Variants in KIAA1671 observed in about 807,000 individuals in gnomAD.
The protein encoded by KIAA1671 is uncharacterized protein KIAA1671.
A neutral mutation model predicts 131.2 loss-of-function variants in KIAA1671; 52 were observed. The ratio of observed to expected loss-of-function variants is 0.40; its 90% CI spans 0.32 to 0.50. The LOEUF (loss-of-function observed/expected upper bound fraction) is 0.50, where lower values mean the gene tolerates loss of function less well. Among genes scored for constraint, KIAA1671 ranks in the 20% least tolerant of loss-of-function variants. The pLI is 0.73. For missense variants in KIAA1671, 2,360 were observed against 2,364.2 expected (o/e 1.00, Z 0.04); for synonymous variants, 1,003 against 961.6 (o/e 1.04, Z -0.80).
rs895563243 is a variant in KIAA1671 at position 25,159,772 on chromosome 22, C to A, written c.4531-11048C>A. Among the ~76,000 whole-genome samples the A allele has an allele frequency of 1.2e-4, 19 of 152,096 alleles. 1 individual carries two copies. The highest frequency in any genetic ancestry group is 1.5e-5 in the Non-Finnish European group (1 of 68,030). Reference sequence around the variant, plus strand: ...GCTCTGGTCTGCTCGGTCATAGAGCCCTAGCTCAGAACTGCTAACCTGTCC... The same window carrying A: ...GCTCTGGTCTGCTCGGTCATAGAGCACTAGCTCAGAACTGCTAACCTGTCC... On this transcript the variant is annotated intron_variant, in intron 6 of 12. Transcript: ENST00000358431.
At chr22:25,026,337 G>A (rs2052778936) in intron 2 of KIAA1671, among the ~76,000 whole-genome samples, 1 of 152,134 alleles carries the variant, frequency 6.6e-6, no homozygotes, top group Non-Finnish European at 1.5e-5. Context: ...CAGTTTCACA[G>A]GGAAGAAAAC....
At chr22:24,953,475 C>T (rs1921523163) in intron 1 of KIAA1671, among the ~76,000 whole-genome samples, 1 of 152,050 alleles carries the variant, frequency 6.6e-6, no homozygotes, top group Admixed American at 6.5e-5. Context: ...CGGACACGTC[C>T]TCTCGGCCTG....
intron 1 of KIAA1671, among the ~76,000 whole-genome samples, chr22:24,979,241 C>G (rs2123826393): frequency 6.8e-6 from 1 of 146,734 alleles, no homozygotes; most frequent in East Asian, 2.0e-4. Flanking sequence ...GTCTTGAACT[C>G]CTGACCTCAG....
intron 6 of KIAA1671, among the ~76,000 whole-genome samples, chr22:25,141,273 C>G (rs1011924243): frequency 6.6e-6 from 1 of 151,984 alleles, no homozygotes; most frequent in African/African-American, 2.4e-5. Context: ...CACTCTGTCG[C>G]CCAGGCTGGA....
At chr22:25,156,012 C>CTTTTTTTTTTTTTTTT (rs57822676) in intron 6 of KIAA1671, among the ~76,000 whole-genome samples, 1 of 35,320 alleles carries the variant, frequency 2.8e-5, no homozygotes, top group Admixed American at 3.9e-4. Flanking sequence ...TGTGTATGTG[C>CTTTTTTTTTTTTTTTT]TTTTTTTTTT....
At chr22:25,044,124 C>T (rs1486516367) in intron 5 of KIAA1671, among the ~76,000 whole-genome samples, 3 of 152,192 alleles carry the variant, frequency 2.0e-5, no homozygotes, top group Admixed American at 2.0e-4. Flanking sequence ...CCACCATGTG[C>T]AGGATCACGC....
chr22:25,192,416 C>G lies in KIAA1671; in HGVS notation c.*15C>G, dbSNP rs887962818. ...TCCCTTCCTCTCCAGGCAGGGAACA[C>G]TGCCACATCTACGTAACAGAAGCCT... On this transcript the variant is annotated 3_prime_UTR_variant, in exon 13 of 13. Transcript: ENST00000358431. The G allele has an allele frequency of 3.3e-5, 5 of 152,250 alleles. No individual in the cohort carries two copies. The highest frequency in any genetic ancestry group is 5.9e-5 in the Non-Finnish European group (4 of 68,054). 9.4% of individuals were successfully genotyped at this position (152,250 alleles called of 1,614,324 possible). A position where few individuals can be genotyped will look rare whatever the true frequency, so the allele number is the denominator to read the frequency against.
At chr22:24,969,702 C>T (rs879484352) in intron 1 of KIAA1671, among the ~76,000 whole-genome samples, 2 of 152,196 alleles carry the variant, frequency 1.3e-5, no homozygotes, top group Non-Finnish European at 2.9e-5. Context: ...GAGATTTCAG[C>T]TCCGTGTCTT....
At chr22:24,972,371 C>T (rs944036051) in intron 1 of KIAA1671, among the ~76,000 whole-genome samples, 3 of 152,146 alleles carry the variant, frequency 2.0e-5, no homozygotes, top group Admixed American at 6.5e-5. Flanking sequence ...TTCTGTCTAC[C>T]GTATAGCTGC....
In KIAA1671 at chr22:25,163,733, C is replaced by T. The variant is rs533361525; in HGVS notation, c.4531-7087C>T. On this transcript the variant is annotated intron_variant, in intron 6 of 12. Transcript: ENST00000358431. ...GATTACAGGCATGAGCCACCACGCC[C>T]GGCCATTCCTTGGCTGTATTTATCC... is the stretch of plus-strand genomic sequence containing the variant. 6.5e-4 allele frequency among the ~76,000 whole-genome samples: 99 copies of T among 152,024 alleles called. 1 individual carries two copies. The South Asian group carries it at 0.014, about 22-fold the overall frequency.
chr22:24,977,733 G>A (rs1483166908), intron 1 of KIAA1671, among the ~76,000 whole-genome samples: 1 of 152,248 alleles, frequency 6.6e-6, no homozygotes, highest in Non-Finnish European at 1.5e-5. Context: ...CCCTGCAAGT[G>A]GAGACAGAGG....
At chr22:25,094,100 G>A (rs1464291299) in intron 6 of KIAA1671, among the ~76,000 whole-genome samples, 1 of 152,164 alleles carries the variant, frequency 6.6e-6, no homozygotes, top group African/African-American at 2.4e-5. Flanking sequence ...TGTTTTCGAA[G>A]AAAGCGAACC....
At chr22:24,993,087 T>C (rs766420919) in intron 1 of KIAA1671, among the ~76,000 whole-genome samples, 2 of 151,992 alleles carry the variant, frequency 1.3e-5, no homozygotes, top group Non-Finnish European at 2.9e-5. Flanking sequence ...TGCCTTTCCC[T>C]CTAATCTGCC....
intron 6 of KIAA1671, among the ~76,000 whole-genome samples, chr22:25,136,110 G>A (rs1601346346): frequency 6.6e-6 from 1 of 152,210 alleles, no homozygotes; most frequent in South Asian, 2.1e-4. Context: ...GCTAACTTGA[G>A]CTCTGAGTAG....
At chr22:24,953,213 A>C (rs571998213) in intron 1 of KIAA1671, among the ~76,000 whole-genome samples, 2 of 152,164 alleles carry the variant, frequency 1.3e-5, no homozygotes, top group Non-Finnish European at 2.9e-5. Context: ...CTCCCATGCC[A>C]GCCTGAGCCT....
intron 6 of KIAA1671, among the ~76,000 whole-genome samples, chr22:25,072,731 C>T (rs1299574456): frequency 1.3e-5 from 2 of 152,200 alleles, no homozygotes; most frequent in Non-Finnish European, 2.9e-5. Context: ...CGCTGCCTTC[C>T]TGATTTGCTT....
chr22:25,041,147 A>G lies in KIAA1671; in HGVS notation c.4017A>G (p.Ala1339=), dbSNP rs1333344890. 5.8e-6 allele frequency: 9 copies of G among 1,551,142 alleles called. No individual in the cohort carries two copies. Among genetic ancestry groups the G allele is most frequent in the Non-Finnish European group, 7.8e-6 (9 of 1,146,742 alleles). The change falls in exon 5 of 13, where the codon GCA becomes GCG. Residue 1339 remains alanine (A), a synonymous_variant. Coordinates refer to ENST00000358431, the MANE Select transcript of KIAA1671 (RefSeq NM_001145206.2). ...RKAFASKHHV[A]KCQNYLAESK... ...CCTTTGCCAGTAAACATCATGTTGCAAAGTGTCAGAATTACCTGGCTGAGT... is the reference window on the plus strand; with the variant it reads ...CCTTTGCCAGTAAACATCATGTTGCGAAGTGTCAGAATTACCTGGCTGAGT...
chr22:25,148,920 A>G (rs1372447244), intron 6 of KIAA1671, among the ~76,000 whole-genome samples: 1 of 152,198 alleles, frequency 6.6e-6, no homozygotes, highest in Non-Finnish European at 1.5e-5. Context: ...AAATTTCACC[A>G]GCTCCTCTGA....
chr22:25,082,849 A>C (rs1272624210), intron 6 of KIAA1671, among the ~76,000 whole-genome samples: 2 of 152,210 alleles, frequency 1.3e-5, no homozygotes, highest in South Asian at 2.1e-4. Context: ...GAACAAAAAA[A>C]CAAAAAACAC....
Sources: allele counts gnomAD v4.1 joint callset (sites outside exome capture counted in the v4.1 genomes callset), GRCh38; gene constraint gnomAD v4.1.1; transcripts MANE v1.5; gene names NCBI Gene and HGNC (gene_info 2026-07-23, HGNC 2026-07-21).